Variants in ROBO1 observed in about 807,000 individuals in gnomAD.
The protein encoded by ROBO1 is roundabout homolog 1.
ROBO1 carries 149 observed loss-of-function variants against 195.9 expected under a neutral mutation model. The observed-to-expected ratio is 0.76, with a 90% CI of 0.67 to 0.87. The LOEUF (loss-of-function observed/expected upper bound fraction) is 0.87. ROBO1 is among the 40% of genes least tolerant of loss of function. The probability of loss-of-function intolerance (pLI) is 0.00; values close to 1 mark genes in which losing one functional copy is unlikely to be tolerated. For missense variants in ROBO1, 1,933 were observed against 2,068.3 expected, an observed-to-expected ratio of 0.93 and a Z score of 1.27; for synonymous variants, 816 against 733.2, an observed-to-expected ratio of 1.11 and a Z score of -1.82.
chr3:79,739,267 G>T (rs1703521440), intron 1 of ROBO1, among the ~76,000 whole-genome samples: 2 of 152,128 alleles, frequency 1.3e-5, no homozygotes, highest in African/African-American at 2.4e-5. Flanking sequence ...CTCTAAGACT[G>T]CCAGTTAGTC....
intron 4 of ROBO1, among the ~76,000 whole-genome samples, chr3:78,860,327 T>TATATATA (rs1491455003): frequency 0.016 from 206 of 12,554 alleles, no homozygotes; most frequent in Middle Eastern, 0.062. Context: ...TATATATATA[T>TATATATA]TTTTTTTTTT....
At chr3:78,707,673 A>G (rs2081585922) in intron 8 of ROBO1, among the ~76,000 whole-genome samples, 2 of 152,168 alleles carry the variant, frequency 1.3e-5, no homozygotes, top group Admixed American at 1.3e-4. Flanking sequence ...TCATCTGATA[A>G]CAGAGCATCA....
chr3:78,628,806 C>A (rs1704989690), intron 25 of ROBO1, among the ~76,000 whole-genome samples: 1 of 152,180 alleles, frequency 6.6e-6, no homozygotes, highest in Non-Finnish European at 1.5e-5. Flanking sequence ...TCTTCTCCCT[C>A]AAACTACTCC....
chr3:79,278,725 A>G (rs548910679), intron 2 of ROBO1, among the ~76,000 whole-genome samples: 13 of 152,272 alleles, frequency 8.5e-5, no homozygotes, highest in Non-Finnish European at 1.5e-4. Flanking sequence ...AAGGGCTAAA[A>G]CAACAAAACT....
intron 2 of ROBO1, among the ~76,000 whole-genome samples, chr3:79,530,386 T>C (rs1482236898): frequency 6.6e-6 from 1 of 152,048 alleles, no homozygotes; most frequent in Non-Finnish European, 1.5e-5. Flanking sequence ...TGTCTGCCAG[T>C]TTGACATTAC....
intron 2 of ROBO1, among the ~76,000 whole-genome samples, chr3:79,239,994 C>T (rs1433491312): frequency 6.6e-6 from 1 of 151,890 alleles, no homozygotes; most frequent in African/African-American, 2.4e-5. Context: ...GTGGGGTGAC[C>T]GAATCAAACT....
chr3:79,545,013 A>G (rs187219450), intron 2 of ROBO1, among the ~76,000 whole-genome samples: 1 of 152,276 alleles, frequency 6.6e-6, no homozygotes, highest in East Asian at 1.9e-4. Context: ...CTATTTGATG[A>G]TGATTTCTTA....
At chr3:78,932,834 T>A (rs2039605371) in intron 4 of ROBO1, among the ~76,000 whole-genome samples, 1 of 152,158 alleles carries the variant, frequency 6.6e-6, no homozygotes, top group African/African-American at 2.4e-5. Flanking sequence ...TTAAAAGTGT[T>A]CTATAATTAG....
chr3:78,698,570 G>C (rs1274329731), intron 8 of ROBO1, among the ~76,000 whole-genome samples: 1 of 152,088 alleles, frequency 6.6e-6, no homozygotes, highest in Non-Finnish European at 1.5e-5. Context: ...ACTGATGTGG[G>C]GAAGAAGGGG....
At chr3:79,456,606 C>T (rs1019137680) in intron 2 of ROBO1, among the ~76,000 whole-genome samples, 2 of 152,072 alleles carry the variant, frequency 1.3e-5, no homozygotes, top group Non-Finnish European at 1.5e-5. Flanking sequence ...ACAGTAAGAA[C>T]CAACATGAAG....
intron 4 of ROBO1, among the ~76,000 whole-genome samples, chr3:78,915,751 C>CT (rs2038523336): frequency 6.6e-6 from 1 of 152,006 alleles, no homozygotes; most frequent in Admixed American, 6.6e-5. Context: ...TCACAGCTCC[C>CT]TGCAGCTTAA....
chr3:79,589,716 C>T, intron 2 of ROBO1, 108 bp downstream of exon 2: 1 of 871,836 alleles, frequency 1.1e-6, no homozygotes, highest in Non-Finnish European at 1.9e-6. Context: ...CTTACAAGTT[C>T]CAAAGAAAAT....
intron 3 of ROBO1, among the ~76,000 whole-genome samples, chr3:78,986,566 C>T (rs895339238): frequency 2.6e-5 from 4 of 152,118 alleles, no homozygotes; most frequent in Admixed American, 6.6e-5. Flanking sequence ...TTCAGCACTA[C>T]TTGCCCTTAT....
chr3:79,269,092 G>A (rs1169059539), intron 2 of ROBO1, among the ~76,000 whole-genome samples: 1 of 151,432 alleles, frequency 6.6e-6, no homozygotes, highest in Non-Finnish European at 1.5e-5. Context: ...TTTCTAACTA[G>A]ATAGAGCAAA....
At chr3:79,206,606 T>A (rs1254064446) in intron 2 of ROBO1, among the ~76,000 whole-genome samples, 1 of 152,150 alleles carries the variant, frequency 6.6e-6, no homozygotes, top group Non-Finnish European at 1.5e-5. Flanking sequence ...GAGAGATCAT[T>A]GTATATTCAT....
At chr3:79,455,250 A>G (rs911564667) in intron 2 of ROBO1, among the ~76,000 whole-genome samples, 3 of 152,192 alleles carry the variant, frequency 2.0e-5, no homozygotes, top group East Asian at 1.9e-4. Context: ...GAGATTTAAC[A>G]CTTACCTCTG....
At chr3:78,903,766 C>A (rs1384783676) in intron 4 of ROBO1, among the ~76,000 whole-genome samples, 1 of 151,920 alleles carries the variant, frequency 6.6e-6, no homozygotes, top group Non-Finnish European at 1.5e-5. Context: ...TCAAATAAAC[C>A]CAATTCCATT....
chr3:79,628,137 T>C, intron 1 of ROBO1, among the ~76,000 whole-genome samples: 1 of 152,200 alleles, frequency 6.6e-6, no homozygotes. Flanking sequence ...TTACTGAGTA[T>C]GTACCCAAAG....
chr3:79,178,473 A>T (rs1291612195), intron 2 of ROBO1, among the ~76,000 whole-genome samples: 1 of 152,230 alleles, frequency 6.6e-6, no homozygotes, highest in East Asian at 1.9e-4. Context: ...GAAAAATAAA[A>T]AAAACACACA....
Sources: gnomAD v4.1 joint callset for allele counts (sites outside exome capture counted in the v4.1 genomes callset) on GRCh38, gnomAD v4.1.1 for gene constraint, MANE v1.5 for transcripts, NCBI Gene and HGNC (gene_info 2026-07-23, HGNC 2026-07-21) for gene names.